SLCO5A1: variants seen among roughly 807,000 people sequenced by gnomAD.
SLCO5A1 encodes organic anion transporter polypeptide-related protein 4.
SLCO5A1 carries 39 observed loss-of-function variants against 65.1 expected under a neutral mutation model. The ratio of observed to expected loss-of-function variants is 0.60; its 90% CI spans 0.46 to 0.78. The LOEUF (loss-of-function observed/expected upper bound fraction) is 0.78. SLCO5A1 is among the 30% of genes least tolerant of loss of function. The pLI, the probability that SLCO5A1 is intolerant of heterozygous loss-of-function variation, is 0.00. For synonymous variants in SLCO5A1, 438 were observed against 415.7 expected (o/e 1.05, Z -0.65); for missense variants, 1,029 against 1,069.4 (o/e 0.96, Z 0.53).
chr8:69,667,333 G>GC lies in SLCO5A1; in HGVS notation c.*5535dup, dbSNP rs1414923526. ...ACACACACTCCACTAAGAACCTAAT[G>GC]CCAGTTTAGTTGACACAGTATTACA... On this transcript the variant is annotated 3_prime_UTR_variant, in exon 10 of 10. Coordinates refer to ENST00000260126, the MANE Select transcript of SLCO5A1 (RefSeq NM_030958.3). 1.3e-5 allele frequency: 2 copies of GC among 151,802 alleles called. No individual in the cohort carries two copies. The highest frequency in any genetic ancestry group is 2.9e-5 in the Non-Finnish European group (2 of 67,910). 9.4% of individuals were successfully genotyped at this position (151,802 alleles called of 1,614,324 possible). A position where few individuals can be genotyped will look rare whatever the true frequency, so the allele number is the denominator to read the frequency against.
chr8:69,793,402 A>T (rs1188491103), intron 2 of SLCO5A1, among the ~76,000 whole-genome samples: 1 of 152,134 alleles, frequency 6.6e-6, no homozygotes, highest in Non-Finnish European at 1.5e-5. Flanking sequence ...GAACCCTACT[A>T]CCCAGAGATG....
intron 5 of SLCO5A1, among the ~76,000 whole-genome samples, chr8:69,723,802 T>C (rs1392058775): frequency 9.9e-5 from 15 of 151,448 alleles, no homozygotes; most frequent in Non-Finnish European, 4.4e-5. Context: ...AGACTGAGTT[T>C]TACTCTGTCA....
rs965236894 is a variant in SLCO5A1 at position 69,671,531 on chromosome 8, A to G, written c.*1338T>C. 6.6e-6 allele frequency: 1 copy of G among 152,176 alleles called. No individual in the cohort carries two copies. Among genetic ancestry groups the G allele is most frequent in the African/African-American group, 2.4e-5 (1 of 41,444 alleles). 9.4% of individuals were successfully genotyped at this position (152,176 alleles called of 1,614,324 possible). A position where few individuals can be genotyped will look rare whatever the true frequency, so the allele number is the denominator to read the frequency against. On this transcript the variant is annotated 3_prime_UTR_variant, in exon 10 of 10. Coordinates refer to ENST00000260126, the MANE Select transcript of SLCO5A1 (RefSeq NM_030958.3). ...CTATCTTAAGAGCCATGTAGAAAGC[A>G]TTCTCTATGATGCTTACTTCAAAGT... is the stretch of plus-strand genomic sequence containing the variant.
intron 2 of SLCO5A1, among the ~76,000 whole-genome samples, chr8:69,798,332 C>G (rs1819587162): frequency 6.6e-6 from 1 of 152,122 alleles, no homozygotes; most frequent in South Asian, 2.1e-4. Context: ...ATACCTGAGA[C>G]TGGGTAATTT....
At chr8:69,711,363 T>A (rs1815247127) in intron 5 of SLCO5A1, among the ~76,000 whole-genome samples, 3 of 151,976 alleles carry the variant, frequency 2.0e-5, no homozygotes, top group Non-Finnish European at 2.9e-5. Context: ...CCCTGCCGCG[T>A]TCCCAGCCTC....
chr8:69,746,818 G>A (rs1458757610), intron 4 of SLCO5A1, among the ~76,000 whole-genome samples: 1 of 152,156 alleles, frequency 6.6e-6, no homozygotes, highest in Non-Finnish European at 1.5e-5. Context: ...CAGCCAGCGA[G>A]AGACTGCCCT....
chr8:69,775,459 A>T (rs546853096), intron 2 of SLCO5A1, among the ~76,000 whole-genome samples: 1 of 152,298 alleles, frequency 6.6e-6, no homozygotes, highest in South Asian at 2.1e-4. Flanking sequence ...AACTTAAAGT[A>T]TAATAATAAA....
intron 5 of SLCO5A1, among the ~76,000 whole-genome samples, chr8:69,717,786 T>TG (rs1233186846): frequency 6.6e-6 from 1 of 152,240 alleles, no homozygotes; most frequent in East Asian, 1.9e-4. Flanking sequence ...CATTTAATTT[T>TG]TTAATTGATA....
intron 6 of SLCO5A1, among the ~76,000 whole-genome samples, chr8:69,704,453 T>C (rs1181574930): frequency 6.6e-6 from 1 of 152,228 alleles, no homozygotes; most frequent in Non-Finnish European, 1.5e-5. Context: ...GCTATATTGT[T>C]CCATTTTTTA....
intron 6 of SLCO5A1, among the ~76,000 whole-genome samples, chr8:69,695,341 C>T (rs1428726295): frequency 1.3e-5 from 2 of 151,804 alleles, no homozygotes; most frequent in African/African-American, 2.4e-5. Context: ...CTAAAAAATA[C>T]GAAAATTAGC....
intron 6 of SLCO5A1, among the ~76,000 whole-genome samples, chr8:69,688,411 G>A (rs1260521040): frequency 1.3e-5 from 2 of 151,888 alleles, no homozygotes; most frequent in African/African-American, 4.8e-5. Context: ...ATGTATACAT[G>A]TGCCATGCTG....
At chr8:69,822,499 C>G (rs1029399877) in intron 2 of SLCO5A1, among the ~76,000 whole-genome samples, 1 of 152,152 alleles carries the variant, frequency 6.6e-6, no homozygotes, top group Non-Finnish European at 1.5e-5. Context: ...GAGTGCTCTC[C>G]TATACAATGT....
chr8:69,819,132 T>A (rs1820527805), intron 2 of SLCO5A1, among the ~76,000 whole-genome samples: 1 of 152,180 alleles, frequency 6.6e-6, no homozygotes, highest in Admixed American at 6.5e-5. Flanking sequence ...CCACTCTCAA[T>A]GTCTCCTTTC....
At chr8:69,756,180 T>C (rs1452704059) in intron 3 of SLCO5A1, among the ~76,000 whole-genome samples, 1 of 152,150 alleles carries the variant, frequency 6.6e-6, no homozygotes, top group African/African-American at 2.4e-5. Context: ...TCCCAGCACG[T>C]TGGGAGGCTG....
intron 2 of SLCO5A1, among the ~76,000 whole-genome samples, chr8:69,762,173 T>C (rs1817816985): frequency 1.0e-5 from 1 of 96,728 alleles, no homozygotes; most frequent in South Asian, 4.2e-4. Flanking sequence ...TTTCTTTCTT[T>C]CTTTCTTTCT....
chr8:69,719,671 T>C (rs1815727862), intron 5 of SLCO5A1: 1 of 152,190 alleles, frequency 6.6e-6, no homozygotes, highest in African/African-American at 2.4e-5. Context: ...TCCTCATATT[T>C]TGTAGGCTCT....
chr8:69,734,472 A>AT (rs1816470426), intron 5 of SLCO5A1, among the ~76,000 whole-genome samples: 1 of 152,184 alleles, frequency 6.6e-6, no homozygotes, highest in South Asian at 2.1e-4. Context: ...TTTTCTGTTT[A>AT]TTTATTTAGA....
intron 2 of SLCO5A1, among the ~76,000 whole-genome samples, chr8:69,765,538 G>A (rs775418411): frequency 1.3e-5 from 2 of 152,112 alleles, no homozygotes; most frequent in Non-Finnish European, 1.5e-5. Context: ...AACATTAGTG[G>A]ATTAACCAAT....
intron 2 of SLCO5A1, among the ~76,000 whole-genome samples, chr8:69,773,833 C>T (rs1413974005): frequency 2.0e-5 from 3 of 152,304 alleles, no homozygotes; most frequent in South Asian, 2.1e-4. Flanking sequence ...TCTTCAGATG[C>T]ACATGGCTCA....
Sources: gnomAD v4.1 joint callset for allele counts (sites outside exome capture counted in the v4.1 genomes callset) on GRCh38, gnomAD v4.1.1 for gene constraint, MANE v1.5 for transcripts, NCBI Gene and HGNC (gene_info 2026-07-23, HGNC 2026-07-21) for gene names.